The following ZBTB20 variants were observed in gnomAD, a reference collection of about 807,000 sequenced individuals.
The protein encoded by ZBTB20 is zinc finger and BTB domain-containing protein 20.
A neutral mutation model predicts 56.9 loss-of-function variants in ZBTB20; 9 were observed. The ratio of observed to expected loss-of-function variants is 0.16; its 90% confidence interval spans 0.10 to 0.28. The LOEUF (loss-of-function observed/expected upper bound fraction) is 0.28, where lower values mean the gene tolerates loss of function less well. Among genes scored for constraint, ZBTB20 ranks in the 10% least tolerant of loss-of-function variants. ZBTB20 has a pLI of 1.00. For synonymous variants in ZBTB20, 417 were observed against 420.7 expected (o/e 0.99, Z 0.11); for missense variants, 655 against 1,003.0 (o/e 0.65, Z 4.69).
chr3:114,697,107 A>G (rs1340776578), intron 5 of ZBTB20, among the ~76,000 whole-genome samples: 2 of 151,692 alleles, frequency 1.3e-5, no homozygotes, highest in Admixed American at 1.3e-4. Flanking sequence ...GAAAAAAAAA[A>G]AAGCATTAGA....
At chr3:114,841,095 T>C (rs1383508970) in intron 4 of ZBTB20, among the ~76,000 whole-genome samples, 4 of 152,174 alleles carry the variant, frequency 2.6e-5, no homozygotes, top group African/African-American at 9.7e-5. Flanking sequence ...CAGCCTTGAA[T>C]AAGACATACT....
At chr3:114,684,165 T>C (rs900766297) in intron 6 of ZBTB20, among the ~76,000 whole-genome samples, 1 of 152,216 alleles carries the variant, frequency 6.6e-6, no homozygotes, top group African/African-American at 2.4e-5. Flanking sequence ...ATCAGATTTT[T>C]AGCAGTGCTT....
intron 11 of ZBTB20, among the ~76,000 whole-genome samples, chr3:114,340,120 G>A (rs919161398): frequency 6.6e-6 from 1 of 151,812 alleles, no homozygotes; most frequent in African/African-American, 2.4e-5. Flanking sequence ...TGGCCTCATC[G>A]GGTGTAGAGG....
chr3:114,807,810 G>A (rs2072227919), intron 4 of ZBTB20, among the ~76,000 whole-genome samples: 1 of 152,052 alleles, frequency 6.6e-6, no homozygotes, highest in African/African-American at 2.4e-5. Flanking sequence ...ATTATTGGAT[G>A]TTAAGTGAAA....
rs573294557 is a variant in ZBTB20 at position 115,106,794 on chromosome 3, GCCA to G, written c.-702-35383_-702-35381del. ...ACTAAGAGACTCCCTCCCCACCATC[GCCA>G]CCTTCTTCCCCTCTGCCCCCCAGAG... On this transcript the variant is annotated intron_variant, in intron 1 of 11. Transcript: ENST00000675478. 3.2e-4 allele frequency among the ~76,000 whole-genome samples: 48 copies of G among 152,072 alleles called. 1 individual carries two copies. In the South Asian group the frequency reaches 8.5e-3, roughly 27 times the overall value.
intron 4 of ZBTB20, among the ~76,000 whole-genome samples, chr3:114,840,908 T>C (rs1258219410): frequency 6.6e-6 from 1 of 152,202 alleles, no homozygotes; most frequent in Non-Finnish European, 1.5e-5. Flanking sequence ...AACCGATCTT[T>C]CTTACTTTTC....
chr3:115,122,051 C>T (rs923460352), intron 1 of ZBTB20, among the ~76,000 whole-genome samples: 1 of 152,030 alleles, frequency 6.6e-6, no homozygotes, highest in Non-Finnish European at 1.5e-5. Context: ...TAGAATCATA[C>T]TGCAGTTTCC....
chr3:114,505,991 AG>A (rs1553734100), intron 6 of ZBTB20, among the ~76,000 whole-genome samples: 1 of 152,120 alleles, frequency 6.6e-6, no homozygotes, highest in Non-Finnish European at 1.5e-5. Flanking sequence ...GCCAGATGCA[AG>A]GGTATTTATA....
intron 6 of ZBTB20, among the ~76,000 whole-genome samples, chr3:114,564,473 C>G (rs560136784): frequency 3.9e-5 from 6 of 152,198 alleles, no homozygotes; most frequent in African/African-American, 1.4e-4. Context: ...GTAAGCTGCA[C>G]AGACATTTTT....
intron 5 of ZBTB20, among the ~76,000 whole-genome samples, chr3:114,776,636 A>G (rs1359946445): frequency 2.0e-5 from 3 of 152,236 alleles, no homozygotes; most frequent in Non-Finnish European, 4.4e-5. Flanking sequence ...GGCTTGTGGT[A>G]GTTTGTTATA....
chr3:114,526,465 G>A (rs2047234948), intron 6 of ZBTB20, among the ~76,000 whole-genome samples: 1 of 151,932 alleles, frequency 6.6e-6, no homozygotes, highest in African/African-American at 2.4e-5. Context: ...GGAACTGTCT[G>A]GCATAGTTCA....
At chr3:114,386,826 C>G (rs919829702) in intron 8 of ZBTB20, among the ~76,000 whole-genome samples, 1 of 152,100 alleles carries the variant, frequency 6.6e-6, no homozygotes, top group Non-Finnish European at 1.5e-5. Flanking sequence ...CTTATACTTT[C>G]AATTATACTT....
At chr3:115,146,537 AAGAG>A (rs1345353059) in intron 1 of ZBTB20, among the ~76,000 whole-genome samples, 1 of 152,170 alleles carries the variant, frequency 6.6e-6, no homozygotes, top group African/African-American at 2.4e-5. Context: ...TGGCCCAAAG[AAGAG>A]AAAGAAGGAA....
intron 1 of ZBTB20, among the ~76,000 whole-genome samples, chr3:115,109,548 T>C (rs2083816156): frequency 6.6e-6 from 1 of 152,202 alleles, no homozygotes; most frequent in South Asian, 2.1e-4. Flanking sequence ...TTTCAGATTA[T>C]ACATAAACAA....
chr3:114,529,131 A>G (rs1444481901), intron 6 of ZBTB20: 1 of 152,186 alleles, frequency 6.6e-6, no homozygotes, highest in African/African-American at 2.4e-5. Flanking sequence ...GCTAAGTTCC[A>G]TTTCCCAGCC....
At chr3:115,130,130 T>C (rs1412824737) in intron 1 of ZBTB20, among the ~76,000 whole-genome samples, 2 of 152,192 alleles carry the variant, frequency 1.3e-5, no homozygotes, top group Admixed American at 6.5e-5. Context: ...ATCTCTATTT[T>C]AAAGATAAAG....
chr3:114,518,148 C>T (rs2046232840), intron 6 of ZBTB20, among the ~76,000 whole-genome samples: 1 of 152,122 alleles, frequency 6.6e-6, no homozygotes, highest in African/African-American at 2.4e-5. Context: ...TGCTTTAGGG[C>T]TGGGGTATGG....
chr3:114,865,194 C>G (rs2075715233), intron 4 of ZBTB20, among the ~76,000 whole-genome samples: 1 of 152,136 alleles, frequency 6.6e-6, no homozygotes, highest in Admixed American at 6.5e-5. Flanking sequence ...TGAGTCAACA[C>G]TTCTAGGGCT....
chr3:115,142,607 G>A (rs78717518), intron 1 of ZBTB20, among the ~76,000 whole-genome samples: 7,953 of 151,222 alleles, frequency 0.053, 702 homozygotes, highest in African/African-American at 0.18. Context: ...AGGCTGCAGC[G>A]GGCCAAGATT....
Sources: allele counts gnomAD v4.1 joint callset (sites outside exome capture counted in the v4.1 genomes callset), GRCh38; gene constraint gnomAD v4.1.1; transcripts MANE v1.5; gene names NCBI Gene and HGNC (gene_info 2026-07-23, HGNC 2026-07-21).